Variants in FBXL4 observed in about 807,000 individuals in gnomAD.
FBXL4 encodes the protein F-box/LRR-repeat protein 4.
In FBXL4, 40 loss-of-function variants were observed where a neutral mutation model predicts 58.9. The ratio of observed to expected loss-of-function variants is 0.68; its 90% CI spans 0.53 to 0.88. The LOEUF (loss-of-function observed/expected upper bound fraction) is 0.88. FBXL4 is among the 40% of genes least tolerant of loss of function. The pLI is 0.00. For missense variants in FBXL4, 676 were observed against 734.4 expected, an observed-to-expected ratio of 0.92 and a Z score of 0.92; for synonymous variants, 263 against 265.5, an observed-to-expected ratio of 0.99 and a Z score of 0.09.
At chr6:98,881,229 C>T (rs773689810) in intron 7 of FBXL4, among the ~76,000 whole-genome samples, 107 of 152,270 alleles carry the variant, frequency 7.0e-4, no homozygotes, top group Non-Finnish European at 1.1e-3. Context: ...ACTTTCTAGT[C>T]ATGTTCCTGC....
rs531212385 is a variant in FBXL4 at position 98,895,736 on chromosome 6, T to C, written c.1317+3532A>G. Among the ~76,000 whole-genome samples the C allele has an allele frequency of 3.9e-5, 6 of 152,292 alleles. No individual in the cohort carries two copies. In the East Asian group the frequency reaches 1.2e-3, roughly 29 times the overall value. On this transcript the variant is annotated intron_variant, in intron 7 of 9. Coordinates refer to ENST00000369244, the MANE Select transcript of FBXL4 (RefSeq NM_001278716.2). ...CCAACAGAATATATTCAGTAGCTTT[T>C]TCCCAAACTTTGGGACTAAAAATCC...
chr6:98,914,305 A>G (rs9398965), intron 5 of FBXL4, among the ~76,000 whole-genome samples: 11,004 of 152,256 alleles, frequency 0.072, 600 homozygotes, highest in East Asian at 0.28. Flanking sequence ...AATCCTCCCT[A>G]ACTCATTTTA....
Position 98,905,601 on chromosome 6 carries a change from G to T in FBXL4, c.928C>A (p.Leu310Met). Residue 310 changes from leucine (L) to methionine (M), a missense_variant, in exon 6 of 10, where the codon CTG becomes ATG. Physicochemically the swap from Leu to Met is conservative, Grantham distance 15 (BLOSUM62 2). Coordinates refer to ENST00000369244, the MANE Select transcript of FBXL4 (RefSeq NM_001278716.2). Reference sequence around the variant, plus strand: ...AGAGGATCACAGCAATGCTGGCTCAGTAGTTTGCAAGTCTGTGCTAATCTA... The same window carrying T: ...AGAGGATCACAGCAATGCTGGCTCATTAGTTTGCAAGTCTGTGCTAATCTA... ...LCRLAQTCKL[L>M]SQHCCDPLQY... 6.2e-7 allele frequency: 1 copy of T among 1,613,348 alleles called. No individual in the cohort carries two copies. Among genetic ancestry groups the T allele is most frequent in the Non-Finnish European group, 8.5e-7 (1 of 1,179,766 alleles).
chr6:98,940,507 G>T (rs940548805), intron 1 of FBXL4, among the ~76,000 whole-genome samples: 2 of 152,136 alleles, frequency 1.3e-5, no homozygotes, highest in African/African-American at 4.8e-5. Flanking sequence ...TGGGTGGGTG[G>T]TGATACCCTG....
chr6:98,878,329 A>G (rs996652010), intron 8 of FBXL4, among the ~76,000 whole-genome samples: 1 of 152,214 alleles, frequency 6.6e-6, no homozygotes, highest in Non-Finnish European at 1.5e-5. Context: ...CACTGGTTTT[A>G]GCAAAGGTAA....
intron 6 of FBXL4, among the ~76,000 whole-genome samples, chr6:98,904,932 G>A (rs1275468217): frequency 2.0e-5 from 3 of 152,122 alleles, no homozygotes; most frequent in Admixed American, 6.6e-5. Flanking sequence ...AAGTGTGGTC[G>A]TCTATTTAGC....
intron 4 of FBXL4, 50 bp from the exon 5 acceptor site, chr6:98,917,769 T>G: frequency 7.1e-7 from 1 of 1,409,044 alleles, no homozygotes. Flanking sequence ...TGAGATCTAC[T>G]GGTCCCTTAA....
At chr6:98,908,106 C>T (rs1339127965) in intron 5 of FBXL4, among the ~76,000 whole-genome samples, 2 of 151,974 alleles carry the variant, frequency 1.3e-5, no homozygotes, top group Non-Finnish European at 2.9e-5. Flanking sequence ...ATTACACAAA[C>T]AAAAATCAAA....
At chr6:98,907,891 C>A (rs1337333778) in intron 5 of FBXL4, among the ~76,000 whole-genome samples, 10 of 152,028 alleles carry the variant, frequency 6.6e-5, no homozygotes, top group South Asian at 6.2e-4. Context: ...TCCCTTACTC[C>A]TGATGTTTCT....
intron 4 of FBXL4, among the ~76,000 whole-genome samples, chr6:98,921,964 T>C: frequency 6.6e-6 from 1 of 152,152 alleles, no homozygotes; most frequent in East Asian, 1.9e-4. Context: ...TAAGCATCCA[T>C]TAAGATATTA....
In FBXL4 at chr6:98,905,649, G is replaced by T; in HGVS notation, c.880C>A (p.His294Asn). The change falls in exon 6 of 10, where the codon CAT becomes AAT. Residue 294 changes from histidine to asparagine, a missense_variant. Transcript: ENST00000369244. ...PYELIQLILN[H>N]LTLPDLCRLA... ...CTACACAGGTCTGGTAGTGTAAGAT[G>T]ATTCAGAATCAGCTGAATAAGCTAA... is the stretch of plus-strand genomic sequence containing the variant. 3.1e-6 allele frequency: 5 copies of T among 1,613,612 alleles called. No homozygotes were observed. The highest frequency in any genetic ancestry group is 4.2e-6 in the Non-Finnish European group (5 of 1,179,718).
chr6:98,897,899 A>T (rs1771462814), intron 7 of FBXL4, among the ~76,000 whole-genome samples: 1 of 152,236 alleles, frequency 6.6e-6, no homozygotes, highest in Admixed American at 6.5e-5. Context: ...TCATTTACTT[A>T]ACAAATATTT....
At chr6:98,897,208 C>A in intron 7 of FBXL4, 2 of 985,224 alleles carry the variant, frequency 2.0e-6, no homozygotes, top group Non-Finnish European at 2.4e-6. Flanking sequence ...GTTTATAGTA[C>A]TTAGGCCCAT....
At chr6:98,931,127 T>C (rs1290935915) in intron 2 of FBXL4, among the ~76,000 whole-genome samples, 2 of 152,216 alleles carry the variant, frequency 1.3e-5, no homozygotes, top group African/African-American at 2.4e-5. Flanking sequence ...CCACGGTCTA[T>C]AAATTGCTTC....
intron 4 of FBXL4, among the ~76,000 whole-genome samples, chr6:98,924,554 C>T (rs1772702768): frequency 6.6e-6 from 1 of 152,074 alleles, no homozygotes; most frequent in Non-Finnish European, 1.5e-5. Flanking sequence ...GAGACCCTGT[C>T]TCAAAACAAA....
intron 7 of FBXL4, among the ~76,000 whole-genome samples, chr6:98,883,672 C>A (rs1770930579): frequency 6.6e-6 from 1 of 151,880 alleles, no homozygotes; most frequent in Non-Finnish European, 1.5e-5. Context: ...ATTGTATCCA[C>A]TGATTTGTAA....
Position 98,892,670 on chromosome 6 carries a change from T to C in FBXL4, c.1317+6598A>G, listed in dbSNP as rs533525627. Reference sequence around the variant, plus strand: ...TCAGGCTGGTGTGCAATTTTACTTATATATATGCTCTGCCAAATAAACTGG... The same window carrying C: ...TCAGGCTGGTGTGCAATTTTACTTACATATATGCTCTGCCAAATAAACTGG... On this transcript the variant is annotated intron_variant, in intron 7 of 9. Coordinates refer to ENST00000369244, the MANE Select transcript of FBXL4 (RefSeq NM_001278716.2). Among the ~76,000 whole-genome samples, 41 of 152,314 alleles carry C rather than the reference T, an allele frequency of 2.7e-4. No homozygotes were observed. In the South Asian group the frequency reaches 4.8e-3, roughly 18 times the overall value.
chr6:98,946,442 G>A lies in FBXL4; in HGVS notation c.-309+1364C>T, dbSNP rs532590657. Among the ~76,000 whole-genome samples, 7 of 152,248 alleles carry A rather than the reference G, an allele frequency of 4.6e-5. No homozygotes were observed. In the South Asian group the frequency reaches 1.5e-3, roughly 32 times the overall value. On this transcript the variant is annotated intron_variant, in intron 1 of 9. Coordinates refer to ENST00000369244, the MANE Select transcript of FBXL4 (RefSeq NM_001278716.2). ...TTAAAGGACACTGTGTTAGATCCGC[G>A]AAGTTAAGATCGAGAATGTTAACCG...
At chr6:98,937,040 T>C (rs868713217) in intron 1 of FBXL4, among the ~76,000 whole-genome samples, 16 of 152,334 alleles carry the variant, frequency 1.1e-4, no homozygotes, top group Middle Eastern at 3.4e-3. Flanking sequence ...GCTGGAATAG[T>C]GGCTCATGCC....
Sources: gnomAD v4.1 joint callset for allele counts (sites outside exome capture counted in the v4.1 genomes callset) on GRCh38, gnomAD v4.1.1 for gene constraint, MANE v1.5 for transcripts, NCBI Gene and HGNC (gene_info 2026-07-23, HGNC 2026-07-21) for gene names.